The following ATM variants were observed in gnomAD, a reference collection of about 807,000 sequenced individuals.
The protein encoded by ATM is serine-protein kinase ATM.
A neutral mutation model predicts 387.0 loss-of-function variants in ATM; 308 were observed. The ratio of observed to expected loss-of-function variants is 0.80; its 90% confidence interval spans 0.73 to 0.87. The LOEUF (loss-of-function observed/expected upper bound fraction) is 0.87. ATM is among the 40% of genes least tolerant of loss of function. ATM has a pLI of 0.00. For synonymous variants in ATM, 1,156 were observed against 1,187.3 expected, an observed-to-expected ratio of 0.97 and a Z score of 0.54; for missense variants, 3,312 against 3,560.9, an observed-to-expected ratio of 0.93 and a Z score of 1.78.
intron 45 of ATM, 35 bp from the exon 46 acceptor site, chr11:108,325,275 T>G: frequency 2.1e-6 from 2 of 952,524 alleles, no homozygotes; most frequent in Non-Finnish European, 3.3e-6. Context: ...TTTTCATTTC[T>G]CTTGCTTACA....
rs987904893 is a variant in ATM at position 108,266,582 on chromosome 11, A to G, written c.2467-589A>G. ...GCACACCAGCATGGCACATGTATAC[A>G]TATGTAACTAACCTGCACAATGTGC... On this transcript the variant is annotated intron_variant, in intron 16 of 62. Coordinates refer to ENST00000675843, the MANE Select transcript of ATM (RefSeq NM_000051.4). Among the ~76,000 whole-genome samples the G allele has an allele frequency of 5.3e-5, 8 of 151,882 alleles. No individual in the cohort carries two copies. The East Asian group carries it at 1.4e-3, about 26-fold the overall frequency.
intron 58 of ATM, 80 bp downstream of exon 58, chr11:108,345,988 T>C: frequency 6.5e-7 from 1 of 1,536,136 alleles, no homozygotes; most frequent in Non-Finnish European, 9.0e-7. Flanking sequence ...GCACTTTTTC[T>C]ACATTCTGAG....
intron 6 of ATM, 106 bp from the exon 7 acceptor site, chr11:108,244,682 T>G: frequency 1.1e-6 from 1 of 904,608 alleles, no homozygotes; most frequent in African/African-American, 1.7e-5. Context: ...TGTTTGAAAA[T>G]TAGGGTTTTG....
At position 108,229,287 on chromosome 11, in the gene ATM, A is replaced by G. The variant is rs137882485; in HGVS notation, c.295A>G (p.Ser99Gly). ...GCAGAAAAAGATGCAGGAAATCAGT[A>G]GTTTGGTCAAATACTTCATCAAATG... ...SRQKKMQEIS[S>G]LVKYFIKCAN... Residue 99 changes from serine (S) to glycine (G), a missense_variant, in exon 4 of 63, where the codon AGT (serine) becomes GGT (glycine). Physicochemically the swap from Ser to Gly is moderately conservative, Grantham distance 56. Around this residue, in one of 4 missense-constraint regions of ATM, gnomAD observed 1,791 missense variants for 1,804.5 expected, o/e 0.99. Transcript: ENST00000675843. 1.1e-4 allele frequency: 174 copies of G among 1,613,598 alleles called. 1 individual carries two copies. The highest frequency in any genetic ancestry group is 5.8e-4 in the Admixed American group (35 of 59,974).
chr11:108,272,623 T>G lies in ATM; in HGVS notation c.3153+16T>G, dbSNP rs1214475261. 2 of 1,613,384 alleles carry G rather than the reference T, an allele frequency of 1.2e-6. No homozygotes were observed. The highest frequency in any genetic ancestry group is 1.7e-6 in the Non-Finnish European group (2 of 1,179,372). ...TTTGCTTGAGGTGAGTTTTTGCATT[T>G]TTTTAGTAAGATCTCCATTGAAAAT... On this transcript the variant is annotated intron_variant, in intron 21 of 62. Coordinates refer to ENST00000675843, the MANE Select transcript of ATM (RefSeq NM_000051.4).
Position 108,368,601 on chromosome 11 carries a change from C to T in ATM, c.*3093C>T, listed in dbSNP as rs79807288. 2,029 of 217,188 alleles carry T rather than the reference C, an allele frequency of 9.3e-3. 49 individuals are homozygous for T. Among genetic ancestry groups the T allele is most frequent in the African/African-American group, 0.042 (1,855 of 44,484 alleles). 13.5% of individuals were successfully genotyped at this position (217,188 alleles called of 1,614,324 possible). ...GTATCTAACTTGAAAAGATTTCAGG[C>T]GAAAAGAATCTGGGGTTTGCCAGTC... On this transcript the variant is annotated 3_prime_UTR_variant, in exon 63 of 63. Coordinates refer to ENST00000675843, the MANE Select transcript of ATM (RefSeq NM_000051.4).
In ATM at chr11:108,244,022, G is replaced by C. The variant is rs79075295; in HGVS notation, c.566G>C (p.Arg189Thr). 1.2e-6 allele frequency: 2 copies of C among 1,608,144 alleles called. No individual in the cohort carries two copies. Among genetic ancestry groups the C allele is most frequent in the Non-Finnish European group, 1.7e-6 (2 of 1,176,522 alleles). ...GATGTTCATAGAGTTTTAGTGGCTAGAATAATTCATGCTGTTACCAAAGGA... is the reference window on the plus strand; with the variant it reads ...GATGTTCATAGAGTTTTAGTGGCTACAATAATTCATGCTGTTACCAAAGGA... ...SQDVHRVLVA[R>T]IIHAVTKGCC... The change falls in exon 6 of 63, where the codon AGA (arginine) becomes ACA (threonine). Residue 189 changes from arginine to threonine, a missense_variant. This residue lies in a region of ATM where 1,791 missense variants were observed against 1,804.5 expected (regional missense o/e 0.99). Coordinates refer to ENST00000675843, the MANE Select transcript of ATM (RefSeq NM_000051.4).
intron 42 of ATM, among the ~76,000 whole-genome samples, chr11:108,316,457 T>C (rs975030762): frequency 1.1e-4 from 17 of 152,314 alleles, no homozygotes; most frequent in Admixed American, 3.3e-4. Flanking sequence ...GAAAATCTTA[T>C]GTAAACTATT....
chr11:108,276,372 A>G (rs1411702805), intron 22 of ATM, among the ~76,000 whole-genome samples: 2 of 152,132 alleles, frequency 1.3e-5, no homozygotes, highest in Non-Finnish European at 2.9e-5. Context: ...CAATTCGTCA[A>G]ACTCATTCTC....
chr11:108,358,178 T>A (rs1044169635), intron 61 of ATM, among the ~76,000 whole-genome samples: 8 of 151,388 alleles, frequency 5.3e-5, no homozygotes, highest in African/African-American at 2.0e-4. Context: ...TGCGATCAAC[T>A]GGAAGAAAGG....
intron 5 of ATM, among the ~76,000 whole-genome samples, chr11:108,237,964 T>C (rs971181377): frequency 1.4e-5 from 2 of 143,370 alleles, no homozygotes; most frequent in Non-Finnish European, 3.0e-5. Context: ...TCTCCCTCTG[T>C]TGCCCAGGCT....
In ATM at chr11:108,239,740, A is replaced by G. The variant is rs542740900; in HGVS notation, c.496+3906A>G. Among the ~76,000 whole-genome samples the G allele has an allele frequency of 2.0e-5, 3 of 152,308 alleles. No homozygotes were observed. In the South Asian group the frequency reaches 6.2e-4, roughly 32 times the overall value. ...TCCTGTTTTACACAGGAGCTACGCC[A>G]TTTTACATTCTCACCAGCAGCCCAC... On this transcript the variant is annotated intron_variant, in intron 5 of 62. Transcript: ENST00000675843.
chr11:108,360,053 G>C (rs2137614263), intron 61 of ATM, among the ~76,000 whole-genome samples: 2 of 151,514 alleles, frequency 1.3e-5, no homozygotes, highest in African/African-American at 4.8e-5. Context: ...CCGCTAGCAA[G>C]ACTAATAAAG....
intron 29 of ATM, among the ~76,000 whole-genome samples, chr11:108,291,942 A>T (rs1286600549): frequency 1.3e-5 from 2 of 152,184 alleles, no homozygotes; most frequent in Non-Finnish European, 2.9e-5. Flanking sequence ...TCCCAAAGAA[A>T]TACGCTCCCC....
intron 22 of ATM, among the ~76,000 whole-genome samples, chr11:108,276,624 G>A (rs1466894128): frequency 6.6e-6 from 1 of 152,178 alleles, no homozygotes; most frequent in Non-Finnish European, 1.5e-5. Context: ...AGGCCCCTCT[G>A]CTGCAGATCT....
At chr11:108,291,815 C>T (rs988056343) in intron 29 of ATM, among the ~76,000 whole-genome samples, 3 of 152,142 alleles carry the variant, frequency 2.0e-5, no homozygotes, top group African/African-American at 7.2e-5. Flanking sequence ...TTGGGATCAG[C>T]CCCAAATACA....
At chr11:108,252,776 CT>C (rs1417251171) in intron 11 of ATM, 40 bp from the exon 12 acceptor site, 2 of 1,336,878 alleles carry the variant, frequency 1.5e-6, no homozygotes, top group African/African-American at 1.4e-5. Flanking sequence ...CTTTACATGG[CT>C]TTTGGTCTTC....
At chr11:108,260,199 T>G (rs1303059665) in intron 16 of ATM, among the ~76,000 whole-genome samples, 3 of 152,026 alleles carry the variant, frequency 2.0e-5, no homozygotes, top group African/African-American at 7.2e-5. Context: ...CACAACCGGC[T>G]AATTTTTGTA....
Position 108,287,602 on chromosome 11 carries a change from T to C in ATM, c.3996T>C (p.Ile1332=), listed in dbSNP as rs1180449859. The change falls in exon 27 of 63, where the codon ATT becomes ATC. Residue 1332 remains isoleucine, a splice_region_variant and synonymous_variant. Transcript: ENST00000675843. ...LKSENLLGKQ[I]DHLFISNLPE... is the part of the protein sequence containing the mutation. ...ATTTTAATTTTGTGCCCTTGCAGAT[T>C]GATCACTTATTCATTAGTAATTTAC... 1.2e-6 allele frequency: 2 copies of C among 1,600,856 alleles called. No homozygotes were observed. The highest frequency in any genetic ancestry group is 2.2e-5 in the South Asian group (2 of 90,692).
Sources: allele counts gnomAD v4.1 joint callset (sites outside exome capture counted in the v4.1 genomes callset), GRCh38; gene constraint gnomAD v4.1.1; regional missense constraint gnomAD v4.1.1; transcripts MANE v1.5; gene names NCBI Gene and HGNC (gene_info 2026-07-23, HGNC 2026-07-21).